TBL1X: variants seen among roughly 807,000 people sequenced by gnomAD.
TBL1X encodes transducin beta like 1 X-linked, also known as F-box-like/WD repeat-containing protein TBL1X.
Under a neutral mutation model 50.7 loss-of-function variants are expected in TBL1X, and 10 were observed. That is an observed-to-expected ratio of 0.20 (90% confidence interval 0.12 to 0.33). The LOEUF (loss-of-function observed/expected upper bound fraction) is 0.33, where lower values mean the gene tolerates loss of function less well. Among genes scored for constraint, TBL1X ranks in the 10% least tolerant of loss-of-function variants. The pLI is 1.00. For synonymous variants in TBL1X, 190 were observed against 214.7 expected (o/e 0.88, Z 1.01); for missense variants, 340 against 504.4 (o/e 0.67, Z 3.12).
At chrX:9,495,102 C>G (rs1483312443) in intron 1 of TBL1X, among the ~76,000 whole-genome samples, 2 of 111,435 alleles carry the variant, frequency 1.8e-5, no homozygotes, top group Admixed American at 1.9e-4. Context: ...AGGTTCATCT[C>G]TGTCCCTCAT....
At chrX:9,556,798 TTTTG>T (rs2146996919) in intron 2 of TBL1X, among the ~76,000 whole-genome samples, 1 of 107,972 alleles carries the variant, frequency 9.3e-6, no homozygotes, top group South Asian at 4.0e-4. Context: ...GTTTTGTGTT[TTTTG>T]TTTTTGTTTT....
intron 2 of TBL1X, among the ~76,000 whole-genome samples, chrX:9,548,479 T>C (rs2082256115): frequency 8.9e-6 from 1 of 112,183 alleles, no homozygotes; most frequent in Non-Finnish European, 1.9e-5. Flanking sequence ...CCAGCAAAAA[T>C]GTCACCTTTT....
chrX:9,629,681 T>C (rs1355895060), intron 2 of TBL1X, among the ~76,000 whole-genome samples: 1 of 112,035 alleles, frequency 8.9e-6, no homozygotes, highest in Non-Finnish European at 1.9e-5. Flanking sequence ...ACCATCGTTT[T>C]CCTTGATTTA....
rs762069373 is a variant in TBL1X at position 9,692,718 on chromosome X, T to C, written c.892-431T>C. On this transcript the variant is annotated intron_variant, in intron 9 of 17. Coordinates refer to ENST00000645353, the MANE Select transcript of TBL1X (RefSeq NM_005647.4). ...CCACTGCCCCCGGCCAGTCTTGGCT[T>C]CTAAGAGCTATTAACAAGGCTGCAT... 8.4e-4 allele frequency among the ~76,000 whole-genome samples: 95 copies of C among 112,840 alleles called. 1 individual carries two copies. Among genetic ancestry groups the C allele is most frequent in the African/African-American group, 2.9e-3 (91 of 31,123 alleles).
At chrX:9,622,976 C>T (rs1054646949) in intron 2 of TBL1X, among the ~76,000 whole-genome samples, 5 of 112,108 alleles carry the variant, frequency 4.5e-5, no homozygotes, top group African/African-American at 1.6e-4. Flanking sequence ...TCTCTGCTTC[C>T]AGTTCCTTTG....
chrX:9,589,765 A>C (rs905981998), intron 2 of TBL1X, among the ~76,000 whole-genome samples: 4 of 111,983 alleles, frequency 3.6e-5, no homozygotes, highest in South Asian at 7.4e-4. Flanking sequence ...TATCCATAAC[A>C]GTTAAGAATC....
intron 2 of TBL1X, among the ~76,000 whole-genome samples, chrX:9,625,869 G>C (rs774775510): frequency 8.9e-6 from 1 of 112,399 alleles, no homozygotes; most frequent in African/African-American, 3.2e-5. Context: ...AACCCGGCGG[G>C]GGGGCGGAGG....
chrX:9,619,357 T>C (rs1332625538), intron 2 of TBL1X, among the ~76,000 whole-genome samples: 1 of 112,186 alleles, frequency 8.9e-6, no homozygotes, highest in Non-Finnish European at 1.9e-5. Context: ...GCCTCTGCTC[T>C]GAGGATGGCC....
intron 2 of TBL1X, among the ~76,000 whole-genome samples, chrX:9,565,650 G>A (rs1036316796): frequency 1.8e-5 from 2 of 110,552 alleles, no homozygotes; most frequent in Non-Finnish European, 3.8e-5. Context: ...GCAGCATAGC[G>A]TGACCCTTTC....
chrX:9,706,878 G>A (rs889164278), intron 13 of TBL1X, among the ~76,000 whole-genome samples: 3 of 111,008 alleles, frequency 2.7e-5, no homozygotes, highest in Non-Finnish European at 5.7e-5. Context: ...AGCAGCTCTC[G>A]GTCCAAAACA....
In TBL1X at chrX:9,709,231, C is replaced by CTTCT. The variant is rs778237671; in HGVS notation, c.1237-16_1237-13dup. 77 of 1,206,442 alleles carry CTTCT rather than the reference C, an allele frequency of 6.4e-5. No individual in the cohort carries two copies. The African/African-American group carries it at 1.3e-3, about 20-fold the overall frequency. On this transcript the variant is annotated splice_polypyrimidine_tract_variant and intron_variant, in intron 13 of 17. Transcript: ENST00000645353. ...CAGGCCCTGATGTCTTTTTCACACT[C>CTTCT]TTCTGCTCTCTTTCAGAACGAGGTC...
At chrX:9,657,502 C>T (rs1268642792) in intron 5 of TBL1X, among the ~76,000 whole-genome samples, 1 of 112,587 alleles carries the variant, frequency 8.9e-6, no homozygotes, top group Non-Finnish European at 1.9e-5. Context: ...TGGCCTCAGA[C>T]AGCCGGGAAG....
At chrX:9,672,038 A>T (rs1179864468) in intron 5 of TBL1X, among the ~76,000 whole-genome samples, 1 of 112,530 alleles carries the variant, frequency 8.9e-6, no homozygotes, top group African/African-American at 3.2e-5. Flanking sequence ...GAGAAAAAGC[A>T]ATTAGAATGA....
intron 1 of TBL1X, among the ~76,000 whole-genome samples, chrX:9,471,007 A>G (rs1414508756): frequency 8.9e-6 from 1 of 112,567 alleles, no homozygotes; most frequent in Non-Finnish European, 1.9e-5. Flanking sequence ...CATATGTGAA[A>G]TGTATCAGAA....
chrX:9,485,008 A>T (rs1346015789), intron 1 of TBL1X, among the ~76,000 whole-genome samples: 4 of 109,905 alleles, frequency 3.6e-5, no homozygotes, highest in African/African-American at 1.3e-4. Flanking sequence ...CAATCACTTG[A>T]GTCCAGGAGT....
intron 2 of TBL1X, among the ~76,000 whole-genome samples, chrX:9,588,216 C>T (rs1310917635): frequency 2.7e-5 from 3 of 111,235 alleles, no homozygotes; most frequent in African/African-American, 9.8e-5. Context: ...GGAGGATGAG[C>T]GGTTATATGC....
rs1246607632 is a variant in TBL1X, at chrX:9,713,671, A to G, written c.1606-1231A>G. Among the ~76,000 whole-genome samples the G allele has an allele frequency of 3.6e-5, 4 of 110,601 alleles. No homozygotes were observed. In the East Asian group the frequency reaches 8.6e-4, roughly 24 times the overall value. ...TTGAACTCCTGACCCCAGGCAATCT[A>G]CCCACCTCGGCCTCCCAAAGTGCTG... is the stretch of plus-strand genomic sequence containing the variant. On this transcript the variant is annotated intron_variant, in intron 16 of 17. Coordinates refer to ENST00000645353, the MANE Select transcript of TBL1X (RefSeq NM_005647.4).
intron 2 of TBL1X, among the ~76,000 whole-genome samples, chrX:9,567,498 C>T (rs2082357525): frequency 8.9e-6 from 1 of 111,839 alleles, no homozygotes; most frequent in African/African-American, 3.2e-5. Context: ...CCTTCCTCAC[C>T]CCACATGGTT....
At chrX:9,475,092 T>C (rs1443325722) in intron 1 of TBL1X, among the ~76,000 whole-genome samples, 1 of 112,027 alleles carries the variant, frequency 8.9e-6, no homozygotes, top group Non-Finnish European at 1.9e-5. Flanking sequence ...CAGGCTGGTC[T>C]CGAACTCCTG....
Sources: allele counts gnomAD v4.1 joint callset (sites outside exome capture counted in the v4.1 genomes callset), GRCh38; gene constraint gnomAD v4.1.1; transcripts MANE v1.5; gene names NCBI Gene and HGNC (gene_info 2026-07-23, HGNC 2026-07-21).